The following ITGA7 variants were observed in gnomAD, a reference collection of about 807,000 sequenced individuals.
ITGA7 encodes the protein integrin subunit alpha 7.
ITGA7 carries 84 observed loss-of-function variants against 131.6 expected under a neutral mutation model. The observed-to-expected ratio is 0.64, with a 90% CI of 0.54 to 0.77. The LOEUF (loss-of-function observed/expected upper bound fraction) is 0.77. Ranked by LOEUF, ITGA7 falls within the 30% of genes least tolerant of loss-of-function variation. ITGA7 has a pLI of 0.00. For missense variants in ITGA7, 1,399 were observed against 1,482.9 expected (o/e 0.94, Z 0.93); for synonymous variants, 548 against 600.7 (o/e 0.91, Z 1.28).
At chr12:55,686,259 C>A in intron 24 of ITGA7, 2 of 1,349,264 alleles carry the variant, frequency 1.5e-6, no homozygotes, top group African/African-American at 1.5e-5. Context: ...CAGACAGGCC[C>A]GGTGATAGTT....
rs1325106119 is a variant in ITGA7 at position 55,688,196 on chromosome 12, G to A, written c.3057+6C>T. ...TCCCCACCTATCCCCCAACCCTGCA[G>A]CTCACCACTGTGGAGGCATCTCGGA... On this transcript the variant is annotated splice_donor_region_variant and intron_variant, in intron 23 of 24. Transcript: ENST00000257879. 1 of 1,613,710 alleles carries A rather than the reference G, an allele frequency of 6.2e-7. No homozygotes were observed. Among genetic ancestry groups the A allele is most frequent in the Non-Finnish European group, 8.5e-7 (1 of 1,179,732 alleles).
Position 55,698,697 on chromosome 12 carries a change from T to TCA in ITGA7, c.998+12_998+13insTG. On this transcript the variant is annotated intron_variant, in intron 6 of 24. Coordinates refer to ENST00000257879, the MANE Select transcript of ITGA7 (RefSeq NM_002206.3). ...CAGCCTCCCTCAGGTGGCACGGCCC[T>TCA]CTACCCACTCACCCATCACTGTTGA... is the stretch of plus-strand genomic sequence containing the variant. The TCA allele has an allele frequency of 6.2e-7, 1 of 1,613,858 alleles. No individual in the cohort carries two copies. Among genetic ancestry groups the TCA allele is most frequent in the African/African-American group, 1.3e-5 (1 of 74,994 alleles).
intron 21 of ITGA7, among the ~76,000 whole-genome samples, chr12:55,691,115 A>G (rs1592415401): frequency 6.6e-6 from 1 of 151,912 alleles, no homozygotes; most frequent in South Asian, 2.1e-4. Context: ...AACTTAAAGT[A>G]TAATAATAAT....
chr12:55,693,444 G>T, intron 19 of ITGA7, 127 bp from the exon 20 acceptor site: 1 of 824,650 alleles, frequency 1.2e-6, no homozygotes, highest in Non-Finnish European at 1.9e-6. Context: ...AAGTGATCCT[G>T]CCACCTTGGC....
chr12:55,697,631 C>T (rs1872938885), intron 9 of ITGA7, 64 bp downstream of exon 9: 16 of 1,612,838 alleles, frequency 9.9e-6, no homozygotes, highest in African/African-American at 2.7e-5. Flanking sequence ...GCACTGAGGT[C>T]GGGGTCAGAG....
At position 55,688,243 on chromosome 12, in the gene ITGA7, A is replaced by G; in HGVS notation, c.3016T>C (p.Ser1006Pro). The G allele has an allele frequency of 6.2e-7, 1 of 1,614,090 alleles. No individual in the cohort carries two copies. Among genetic ancestry groups the G allele is most frequent in the South Asian group, 1.1e-5 (1 of 91,074 alleles). ...CGGAGCATCAAGTTCTTTATGGAGGACTTCACTGTGATGTTGGCCCGGACA... is the reference window on the plus strand; with the variant it reads ...CGGAGCATCAAGTTCTTTATGGAGGGCTTCACTGTGATGTTGGCCCGGACA... ...VIVRANITVK[S>P]SIKNLMLRDA... is the part of the protein sequence containing the mutation. Residue 1006 changes from serine to proline, a missense_variant, in exon 23 of 25, where the codon TCC (serine) becomes CCC (proline). Physicochemically the swap from Ser to Pro is moderately conservative, Grantham distance 74. Coordinates refer to ENST00000257879, the MANE Select transcript of ITGA7 (RefSeq NM_002206.3).
At chr12:55,701,249 A>T in intron 3 of ITGA7, 95 bp from the exon 4 acceptor site, 1 of 1,589,546 alleles carries the variant, frequency 6.3e-7, no homozygotes, top group South Asian at 1.1e-5. Context: ...AGATACTGAT[A>T]CATGTGTGCT....
rs749138975 is a variant in ITGA7 at position 55,701,153 on chromosome 12, G to A, written c.416C>T (p.Thr139Ile). 14 of 1,614,096 alleles carry A rather than the reference G, an allele frequency of 8.7e-6. No individual in the cohort carries two copies. Among genetic ancestry groups the A allele is most frequent in the Non-Finnish European group, 1.2e-5 (14 of 1,180,052 alleles). Reference sequence around the variant, plus strand: ...CCTTGCCTCATATCGGTGTGCACAGGTCTGGGGGAGGAAGGGATGGGGATC... The same window carrying A: ...CCTTGCCTCATATCGGTGTGCACAGATCTGGGGGAGGAAGGGATGGGGATC... ...RSQGPGGKIVTCAHRYEARQR... is the reference protein window; with the variant it reads ...RSQGPGGKIVICAHRYEARQR... Residue 139 changes from threonine to isoleucine, a missense_variant and splice_region_variant, in exon 4 of 25, where the codon ACC (threonine) becomes ATC (isoleucine). Physicochemically the swap from Thr to Ile is moderately conservative, Grantham distance 89. Transcript: ENST00000257879.
At chr12:55,708,204 G>C (rs1393901545), upstream of ITGA7, among the ~76,000 whole-genome samples, 1 of 152,082 alleles carries the variant, frequency 6.6e-6, no homozygotes, top group African/African-American at 2.4e-5. Context: ...AGAAAGAGAG[G>C]GGCTGAAACA....
chr12:55,704,869 A>G (rs1332905391), intron 1 of ITGA7, among the ~76,000 whole-genome samples: 1 of 152,200 alleles, frequency 6.6e-6, no homozygotes, highest in Non-Finnish European at 1.5e-5. Flanking sequence ...GGGGTGATAC[A>G]GCCCTGCATA....
At chr12:55,711,844 T>G (rs1876145632), upstream of ITGA7, among the ~76,000 whole-genome samples, 1 of 152,202 alleles carries the variant, frequency 6.6e-6, no homozygotes, top group Admixed American at 6.5e-5. Context: ...CTTTTCAACA[T>G]CTTCTTCCCC....
chr12:55,710,034 G>A (rs771629461), upstream of ITGA7, among the ~76,000 whole-genome samples: 28 of 152,194 alleles, frequency 1.8e-4, no homozygotes, highest in Admixed American at 6.5e-4. Context: ...TGTTGGAGTG[G>A]AAGATAATAT....
rs755959549 is a variant in ITGA7 at position 55,703,070 on chromosome 12, T to C, written c.315A>G (p.Arg105=). Reference sequence around the variant, plus strand: ...CCACACCTCCCTGGTCGATGTCCACTCTGTAGCAGTCAGTCTCCTCCAGGC... The same window carrying C: ...CCACACCTCCCTGGTCGATGTCCACCCTGTAGCAGTCAGTCTCCTCCAGGC... ...PLSLEETDCY[R]VDIDQGADMQ... The change falls in exon 2 of 25, where the codon AGA becomes AGG. Residue 105 remains arginine, a synonymous_variant. Coordinates refer to ENST00000257879, the MANE Select transcript of ITGA7 (RefSeq NM_002206.3). 6.2e-7 allele frequency: 1 copy of C among 1,614,118 alleles called. No individual in the cohort carries two copies. The highest frequency in any genetic ancestry group is 2.2e-5 in the East Asian group (1 of 44,866).
chr12:55,693,041 C>T (rs1013739654), intron 20 of ITGA7, 66 bp from the exon 21 acceptor site: 1 of 1,612,928 alleles, frequency 6.2e-7, no homozygotes, highest in South Asian at 1.1e-5. Flanking sequence ...ATCGAATCTC[C>T]TCCCCACCGC....
intron 7 of ITGA7, 92 bp downstream of exon 7, chr12:55,698,291 G>T: frequency 8.3e-7 from 1 of 1,204,192 alleles, no homozygotes; most frequent in Non-Finnish European, 1.2e-6. Context: ...CTCTCCCTGA[G>T]TCCTCAGAAG....
In ITGA7 at chr12:55,703,036, C is replaced by A; in HGVS notation, c.334+15G>T. On this transcript the variant is annotated intron_variant, in intron 2 of 24. Coordinates refer to ENST00000257879, the MANE Select transcript of ITGA7 (RefSeq NM_002206.3). The stretch of plus-strand genomic sequence containing the variant: ...GCTCACACGCTTCCCCCACTCTGTT[C>A]ATGCAGGGCCACACCTCCCTGGTCG... The A allele has an allele frequency of 6.2e-7, 1 of 1,614,046 alleles. No homozygotes were observed. Among genetic ancestry groups the A allele is most frequent in the South Asian group, 1.1e-5 (1 of 91,076 alleles).
chr12:55,691,907 G>A (rs1871492594), intron 21 of ITGA7, among the ~76,000 whole-genome samples: 1 of 152,064 alleles, frequency 6.6e-6, no homozygotes, highest in Admixed American at 6.6e-5. Flanking sequence ...TCAAGCCAAA[G>A]ACCTCCTAAT....
upstream of ITGA7, among the ~76,000 whole-genome samples, chr12:55,710,089 G>A (rs770420653): frequency 1.2e-4 from 18 of 152,304 alleles, no homozygotes; most frequent in Non-Finnish European, 1.9e-4. Context: ...GGCCGGGCGC[G>A]GTGGCTCACG....
intron 13 of ITGA7, among the ~76,000 whole-genome samples, chr12:55,696,023 G>A (rs1277876692): frequency 1.3e-5 from 2 of 152,204 alleles, no homozygotes; most frequent in African/African-American, 4.8e-5. Context: ...TGGGATGAAT[G>A]TGACTTCAAG....
Sources: gnomAD v4.1 joint callset for allele counts (sites outside exome capture counted in the v4.1 genomes callset) on GRCh38, gnomAD v4.1.1 for gene constraint, MANE v1.5 for transcripts, NCBI Gene and HGNC (gene_info 2026-07-23, HGNC 2026-07-21) for gene names.